The following TMEFF2 variants were observed in gnomAD, a reference collection of about 807,000 sequenced individuals.
TMEFF2 encodes the protein transmembrane protein with EGF like and two follistatin like domains 2, also known as tomoregulin-2.
A neutral mutation model predicts 53.8 loss-of-function variants in TMEFF2; 28 were observed. The observed-to-expected ratio is 0.52, with a 90% CI of 0.39 to 0.71. TMEFF2 has a LOEUF of 0.71. Ranked by LOEUF, TMEFF2 falls within the 30% of genes least tolerant of loss-of-function variation. The pLI, the probability that TMEFF2 is intolerant of heterozygous loss-of-function variation, is 0.00. For synonymous variants in TMEFF2, 162 were observed against 166.3 expected (o/e 0.97, Z 0.20); for missense variants, 353 against 455.2 (o/e 0.78, Z 2.04).
chr2:192,011,070 A>G (rs1217876957), intron 5 of TMEFF2, among the ~76,000 whole-genome samples: 1 of 152,226 alleles, frequency 6.6e-6, no homozygotes, highest in African/African-American at 2.4e-5. Flanking sequence ...TCATGGGTCT[A>G]TGTATTTTTC....
At chr2:192,104,874 T>C (rs1225969145) in intron 4 of TMEFF2, among the ~76,000 whole-genome samples, 3 of 152,050 alleles carry the variant, frequency 2.0e-5, no homozygotes, top group African/African-American at 7.2e-5. Context: ...TAATTCTATA[T>C]TTGTGTCATG....
intron 4 of TMEFF2, among the ~76,000 whole-genome samples, chr2:192,062,085 T>TGAG (rs35041172): frequency 0.97 from 147,271 of 152,012 alleles, 71,519 homozygotes; most frequent in East Asian, 1. Context: ...TAATTAGTGT[T>TGAG]GAGTGCATAT....
intron 4 of TMEFF2, among the ~76,000 whole-genome samples, chr2:192,126,858 A>T (rs1389267794): frequency 6.6e-6 from 1 of 152,078 alleles, no homozygotes; most frequent in African/African-American, 2.4e-5. Context: ...ACAAACAAAC[A>T]AACAAAAGCT....
intron 5 of TMEFF2, chr2:192,031,867 C>T (rs903642792): frequency 1.3e-5 from 2 of 152,120 alleles, no homozygotes; most frequent in African/African-American, 4.8e-5. Context: ...TAGAGATGAC[C>T]ACTTAAACAT....
Position 191,950,295 on chromosome 2 carries a change from G to A in TMEFF2, c.*16C>T. 6.2e-7 allele frequency: 1 copy of A among 1,613,454 alleles called. No homozygotes were observed. The highest frequency in any genetic ancestry group is 8.5e-7 in the Non-Finnish European group (1 of 1,179,744). On this transcript the variant is annotated 3_prime_UTR_variant, in exon 10 of 10. Coordinates refer to ENST00000272771, the MANE Select transcript of TMEFF2 (RefSeq NM_016192.4). ...CCAAGCTCTCGGTAGTCCAGCCACT[G>A]TGAAACATGCTCCCTTTAGATTAAC...
chr2:191,973,688 C>T (rs1692720449), intron 7 of TMEFF2, among the ~76,000 whole-genome samples: 1 of 152,088 alleles, frequency 6.6e-6, no homozygotes, highest in African/African-American at 2.4e-5. Flanking sequence ...CATGGTTTGG[C>T]AGTGTCCCCA....
chr2:192,097,861 C>T (rs1040660955), intron 4 of TMEFF2, among the ~76,000 whole-genome samples: 7 of 152,194 alleles, frequency 4.6e-5, no homozygotes, highest in African/African-American at 1.7e-4. Context: ...ATCCTAGGCA[C>T]AATACGTATA....
At chr2:192,168,786 G>A (rs749649776) in intron 4 of TMEFF2, among the ~76,000 whole-genome samples, 2 of 151,858 alleles carry the variant, frequency 1.3e-5, no homozygotes, top group Non-Finnish European at 2.9e-5. Flanking sequence ...GCGAATGTGA[G>A]TGGAAACATT....
rs11396104 is a variant in TMEFF2 at position 192,033,520 on chromosome 2, ATT to A, written c.536+24157_536+24158del. ...TTTTAGCACAAAAAAACCAGTTTGG[ATT>A]TTTTTTTTTTTTTTTTTTACACAAA... On this transcript the variant is annotated intron_variant, in intron 5 of 9. Transcript: ENST00000272771. Among the ~76,000 whole-genome samples, 411 of 135,576 alleles carry A rather than the reference ATT, an allele frequency of 3.0e-3. 2 individuals carry two copies. Among genetic ancestry groups the A allele is most frequent in the African/African-American group, 0.01 (382 of 36,646 alleles). 88.9% of individuals were successfully genotyped at this position (135,576 alleles called of 152,430 possible). A position where few individuals can be genotyped will look rare whatever the true frequency, so the allele number is the denominator to read the frequency against.
At chr2:192,091,396 C>G (rs942796216) in intron 4 of TMEFF2, among the ~76,000 whole-genome samples, 4 of 152,082 alleles carry the variant, frequency 2.6e-5, no homozygotes, top group Non-Finnish European at 5.9e-5. Context: ...CCCTAACTCC[C>G]CTTTACATTC....
At chr2:192,066,674 A>C (rs1331585741) in intron 4 of TMEFF2, among the ~76,000 whole-genome samples, 1 of 151,850 alleles carries the variant, frequency 6.6e-6, no homozygotes, top group Non-Finnish European at 1.5e-5. Context: ...AGCCTGAGTT[A>C]CAACTGAAGA....
chr2:192,133,067 G>A (rs960506942), intron 4 of TMEFF2, among the ~76,000 whole-genome samples: 17 of 152,034 alleles, frequency 1.1e-4, no homozygotes, highest in East Asian at 7.7e-4. Flanking sequence ...AGGTATTGAC[G>A]GCCAGGCTTC....
intron 4 of TMEFF2, among the ~76,000 whole-genome samples, chr2:192,156,650 A>G (rs1188037924): frequency 6.6e-6 from 1 of 152,104 alleles, no homozygotes; most frequent in Non-Finnish European, 1.5e-5. Flanking sequence ...CATATGCCAG[A>G]AATATGTAGG....
chr2:192,059,083 A>C (rs1489837997), intron 4 of TMEFF2, among the ~76,000 whole-genome samples: 1 of 152,180 alleles, frequency 6.6e-6, no homozygotes, highest in East Asian at 1.9e-4. Context: ...AAGGACAAGA[A>C]GACATCCCTA....
At chr2:192,170,375 C>T (rs934367509) in intron 4 of TMEFF2, among the ~76,000 whole-genome samples, 1 of 152,076 alleles carries the variant, frequency 6.6e-6, no homozygotes, top group Non-Finnish European at 1.5e-5. Flanking sequence ...CCCACAAGAA[C>T]ATGCAAACTT....
chr2:192,065,520 T>C (rs1688147707), intron 4 of TMEFF2, among the ~76,000 whole-genome samples: 1 of 151,842 alleles, frequency 6.6e-6, no homozygotes, highest in Admixed American at 6.6e-5. Flanking sequence ...ACACATTTTA[T>C]GCAGATATTA....
chr2:192,115,604 C>A (rs1167346231), intron 4 of TMEFF2, among the ~76,000 whole-genome samples: 1 of 151,884 alleles, frequency 6.6e-6, no homozygotes, highest in Non-Finnish European at 1.5e-5. Flanking sequence ...GGTTAATATT[C>A]AAAATATATA....
chr2:191,990,814 C>T (rs1330150327), intron 7 of TMEFF2, among the ~76,000 whole-genome samples: 1 of 151,384 alleles, frequency 6.6e-6, no homozygotes, highest in East Asian at 1.9e-4. Context: ...TGAACATTAA[C>T]ATTTCTGAGT....
intron 7 of TMEFF2, among the ~76,000 whole-genome samples, chr2:191,980,269 A>G (rs1200722432): frequency 2.6e-5 from 4 of 152,230 alleles, no homozygotes; most frequent in Non-Finnish European, 5.9e-5. Flanking sequence ...ATGGAGTGAC[A>G]TGGACAGGAA....
Sources: allele counts gnomAD v4.1 joint callset (sites outside exome capture counted in the v4.1 genomes callset), GRCh38; gene constraint gnomAD v4.1.1; transcripts MANE v1.5; gene names NCBI Gene and HGNC (gene_info 2026-07-23, HGNC 2026-07-21).